Variants in ZMAT3 observed in about 807,000 individuals in gnomAD.
ZMAT3 encodes the protein zinc finger matrin-type protein 3.
In ZMAT3, 17 loss-of-function variants were observed where a neutral mutation model predicts 32.3. The ratio of observed to expected loss-of-function variants is 0.53; its 90% CI spans 0.36 to 0.79. The LOEUF (loss-of-function observed/expected upper bound fraction) is 0.79, where lower values mean the gene tolerates loss of function less well. Among genes scored for constraint, ZMAT3 ranks in the 30% least tolerant of loss-of-function variants. ZMAT3 has a pLI of 0.00. For synonymous variants in ZMAT3, 120 were observed against 133.1 expected (o/e 0.90, Z 0.68); for missense variants, 329 against 359.7 (o/e 0.91, Z 0.69).
intron 3 of ZMAT3, 49 bp downstream of exon 3, chr3:179,030,831 A>AT: frequency 6.3e-7 from 1 of 1,582,430 alleles, no homozygotes; most frequent in Non-Finnish European, 8.6e-7. Flanking sequence ...ATTTGTGCAT[A>AT]TTACAGCTTC....
chr3:179,053,918 A>C (rs189199806), intron 2 of ZMAT3, among the ~76,000 whole-genome samples: 1 of 152,358 alleles, frequency 6.6e-6, no homozygotes, highest in African/African-American at 2.4e-5. Flanking sequence ...AAAGGCCATT[A>C]GTACACAATT....
At chr3:179,045,967 A>G (rs1204202994) in intron 2 of ZMAT3, among the ~76,000 whole-genome samples, 1 of 152,222 alleles carries the variant, frequency 6.6e-6, no homozygotes, top group Admixed American at 6.5e-5. Flanking sequence ...CAGAACAGTG[A>G]GAGATAAAGG....
chr3:179,036,309 A>T (rs191246027), intron 2 of ZMAT3, among the ~76,000 whole-genome samples: 2 of 152,340 alleles, frequency 1.3e-5, no homozygotes, highest in East Asian at 3.9e-4. Context: ...GATAAAAATC[A>T]GATAGTATGT....
chr3:179,041,996 A>G (rs1005751292), intron 2 of ZMAT3, among the ~76,000 whole-genome samples: 1 of 152,230 alleles, frequency 6.6e-6, no homozygotes, highest in Non-Finnish European at 1.5e-5. Context: ...AGAAATGGAT[A>G]AACTCCTGGG....
At chr3:179,031,232 T>A (rs1006967297) in intron 2 of ZMAT3, among the ~76,000 whole-genome samples, 2 of 149,866 alleles carry the variant, frequency 1.3e-5, no homozygotes, top group African/African-American at 4.9e-5. Context: ...CTGGGTTATG[T>A]ATGTACAGGA....
intron 2 of ZMAT3, among the ~76,000 whole-genome samples, chr3:179,051,800 A>C (rs953151238): frequency 6.6e-6 from 1 of 152,270 alleles, no homozygotes; most frequent in South Asian, 2.1e-4. Flanking sequence ...ACAGTCACCA[A>C]AACAGCATGG....
Position 179,024,416 on chromosome 3 carries a change from T to A in ZMAT3, c.*601A>T, listed in dbSNP as rs972468814. 6.6e-6 allele frequency: 1 copy of A among 152,112 alleles called. No individual in the cohort carries two copies. Among genetic ancestry groups the A allele is most frequent in the Non-Finnish European group, 1.5e-5 (1 of 68,304 alleles). 9.4% of individuals were successfully genotyped at this position (152,112 alleles called of 1,614,324 possible). ...CTCTGCTGACCTATTTTTACTTTGA[T>A]CTAAAAAGAATTCAATACAATTCTT... On this transcript the variant is annotated 3_prime_UTR_variant, in exon 6 of 6. Transcript: ENST00000311417.
intron 2 of ZMAT3, among the ~76,000 whole-genome samples, chr3:179,035,077 T>C (rs1048554206): frequency 2.0e-5 from 3 of 152,160 alleles, no homozygotes; most frequent in African/African-American, 2.4e-5. Flanking sequence ...TCCATGTCAC[T>C]CCCTCACATA....
At chr3:179,034,488 C>T (rs557677895) in intron 2 of ZMAT3, among the ~76,000 whole-genome samples, 4 of 152,336 alleles carry the variant, frequency 2.6e-5, no homozygotes, top group East Asian at 1.9e-4. Context: ...TGTCCAAGGA[C>T]GCACCCTTAG....
chr3:179,027,339 G>A (rs1718923150), intron 5 of ZMAT3, 84 bp downstream of exon 5: 4 of 1,232,904 alleles, frequency 3.2e-6, no homozygotes, highest in Non-Finnish European at 2.3e-6. Context: ...AATTCTCAGG[G>A]CTATCTATTA....
chr3:179,038,687 T>C (rs1386395558), intron 2 of ZMAT3, among the ~76,000 whole-genome samples: 1 of 152,214 alleles, frequency 6.6e-6, no homozygotes, highest in East Asian at 1.9e-4. Context: ...CTGAGGTACC[T>C]GGTTCACCTC....
intron 1 of ZMAT3, among the ~76,000 whole-genome samples, chr3:179,069,955 G>T (rs1721625784): frequency 6.6e-6 from 1 of 152,176 alleles, no homozygotes; most frequent in South Asian, 2.1e-4. Context: ...AGATAGTCCA[G>T]AAAGCAAAGA....
At chr3:179,039,733 C>T (rs564556680) in intron 2 of ZMAT3, among the ~76,000 whole-genome samples, 6 of 152,264 alleles carry the variant, frequency 3.9e-5, no homozygotes, top group South Asian at 2.1e-4. Context: ...ATGACTCTGA[C>T]GAGGTGACAG....
At position 179,052,960 on chromosome 3, in the gene ZMAT3, T is replaced by C. The variant is rs375424273; in HGVS notation, c.270+14523A>G. Among the ~76,000 whole-genome samples the C allele has an allele frequency of 2.0e-5, 3 of 151,914 alleles. No homozygotes were observed. In the East Asian group the frequency reaches 5.8e-4, roughly 29 times the overall value. ...CTGGCCAACATGGTGAAACCCCGTCTCTACTAAAAATACAAAAATTAGCCA... is the reference window on the plus strand; with the variant it reads ...CTGGCCAACATGGTGAAACCCCGTCCCTACTAAAAATACAAAAATTAGCCA... On this transcript the variant is annotated intron_variant, in intron 2 of 5. Transcript: ENST00000311417.
At chr3:179,041,427 C>A (rs922268427) in intron 2 of ZMAT3, among the ~76,000 whole-genome samples, 1 of 152,228 alleles carries the variant, frequency 6.6e-6, no homozygotes, top group African/African-American at 2.4e-5. Context: ...GATTAAGAAA[C>A]TCACTCAAAA....
At position 179,018,324 on chromosome 3, in the gene ZMAT3, A is replaced by C. The variant is rs962729600; in HGVS notation, c.*6693T>G. ...TCATGAAGGTCATCAAAATGCAAAA[A>C]CATCCAATAAATGTTGCATTATTAG... is the stretch of plus-strand genomic sequence containing the variant. On this transcript the variant is annotated 3_prime_UTR_variant, in exon 6 of 6. Transcript: ENST00000311417. The C allele has an allele frequency of 6.6e-6, 1 of 152,178 alleles. No individual in the cohort carries two copies. Among genetic ancestry groups the C allele is most frequent in the Admixed American group, 6.5e-5 (1 of 15,270 alleles). 9.4% of individuals were successfully genotyped at this position (152,178 alleles called of 1,614,324 possible).
intron 2 of ZMAT3, among the ~76,000 whole-genome samples, chr3:179,045,199 AC>A (rs1249256835): frequency 6.6e-6 from 1 of 152,164 alleles, no homozygotes; most frequent in Non-Finnish European, 1.5e-5. Flanking sequence ...TAAGATAAAA[AC>A]CAGACAAGTG....
chr3:179,071,896 A>C (rs971535177), upstream of ZMAT3: 1 of 152,504 alleles, frequency 6.6e-6, no homozygotes, highest in African/African-American at 2.4e-5. Flanking sequence ...CAGGCCCGGC[A>C]GCGGTGGCAG....
chr3:179,025,941 G>T (rs189058444), intron 5 of ZMAT3, among the ~76,000 whole-genome samples: 1 of 152,230 alleles, frequency 6.6e-6, no homozygotes, highest in East Asian at 1.9e-4. Flanking sequence ...TAAGCTGGAC[G>T]CTTAGTTCGT....
Sources: gnomAD v4.1 joint callset for allele counts (sites outside exome capture counted in the v4.1 genomes callset) on GRCh38, gnomAD v4.1.1 for gene constraint, MANE v1.5 for transcripts, NCBI Gene and HGNC (gene_info 2026-07-23, HGNC 2026-07-21) for gene names.